The following DAP3 variants were observed in gnomAD, a reference collection of about 807,000 sequenced individuals.
The protein encoded by DAP3 is small ribosomal subunit protein mS29.
DAP3 carries 28 observed loss-of-function variants against 51.9 expected under a neutral mutation model. The observed-to-expected ratio is 0.54, with a 90% CI of 0.40 to 0.74. DAP3 has a LOEUF of 0.74. DAP3 is among the 30% of genes least tolerant of loss of function. The probability of loss-of-function intolerance (pLI) is 0.00; values close to 1 mark genes in which losing one functional copy is unlikely to be tolerated. For synonymous variants in DAP3, 170 were observed against 170.3 expected (o/e 1.00, Z 0.01); for missense variants, 458 against 483.5 (o/e 0.95, Z 0.49).
At chr1:155,699,157 G>A (rs939824636) in intron 1 of DAP3, among the ~76,000 whole-genome samples, 3 of 152,174 alleles carry the variant, frequency 2.0e-5, no homozygotes, top group Admixed American at 6.5e-5. Flanking sequence ...TAATCACTTA[G>A]ATCTAAGAAG....
intron 11 of DAP3, among the ~76,000 whole-genome samples, chr1:155,733,369 G>T (rs533168982): frequency 6.6e-6 from 1 of 152,192 alleles, no homozygotes; most frequent in Non-Finnish European, 1.5e-5. Flanking sequence ...ACTAGGTAAA[G>T]ATCCTGTTAC....
At chr1:155,719,089 A>G (rs1272007616) in intron 3 of DAP3, among the ~76,000 whole-genome samples, 1 of 152,184 alleles carries the variant, frequency 6.6e-6, no homozygotes, top group Non-Finnish European at 1.5e-5. Flanking sequence ...AGCAACCAGC[A>G]TTCTTGGCTA....
At chr1:155,688,329 AGCG>A, upstream of DAP3, 1 of 1,549,154 alleles carries the variant, frequency 6.5e-7, no homozygotes, top group Non-Finnish European at 8.7e-7. Context: ...TGGCGGCGGC[AGCG>A]GCGGCAGCAG....
chr1:155,738,096 T>C (rs907173623), intron 12 of DAP3, 61 bp from the exon 13 acceptor site: 2 of 1,541,558 alleles, frequency 1.3e-6, no homozygotes, highest in African/African-American at 2.7e-5. Flanking sequence ...TACACGATAT[T>C]CTGGGGAACA....
At chr1:155,695,669 A>G (rs1000352114) in intron 1 of DAP3, among the ~76,000 whole-genome samples, 1 of 152,242 alleles carries the variant, frequency 6.6e-6, no homozygotes, top group African/African-American at 2.4e-5. Context: ...GGCAGTTTCA[A>G]TATGCTGAGT....
intron 11 of DAP3, among the ~76,000 whole-genome samples, chr1:155,735,891 G>T (rs1352219464): frequency 1.4e-5 from 2 of 147,482 alleles, no homozygotes; most frequent in Non-Finnish European, 3.0e-5. Flanking sequence ...CACCAGGCTG[G>T]AGTGCAGTGG....
Position 155,714,213 on chromosome 1 carries a change from C to T in DAP3, c.46-2793C>T, listed in dbSNP as rs779080923. 2.6e-5 allele frequency among the ~76,000 whole-genome samples: 4 copies of T among 152,266 alleles called. 1 individual carries two copies. In the South Asian group the frequency reaches 8.3e-4, roughly 32 times the overall value. On this transcript the variant is annotated intron_variant, in intron 2 of 12. Coordinates refer to ENST00000368336, the MANE Select transcript of DAP3 (RefSeq NM_004632.4). ...AGGAATTTGAGACTTATTTTGACATCGTTCTGGAACCTTCTAAGCTTTTTA... is the reference window on the plus strand; with the variant it reads ...AGGAATTTGAGACTTATTTTGACATTGTTCTGGAACCTTCTAAGCTTTTTA...
At chr1:155,728,544 A>G (rs1658849422) in intron 7 of DAP3, among the ~76,000 whole-genome samples, 1 of 152,100 alleles carries the variant, frequency 6.6e-6, no homozygotes, top group Non-Finnish European at 1.5e-5. Context: ...CCTGGGTAAC[A>G]GAGCGAGATA....
chr1:155,733,726 A>T (rs1220309712), intron 11 of DAP3, among the ~76,000 whole-genome samples: 1 of 151,914 alleles, frequency 6.6e-6, no homozygotes, highest in Non-Finnish European at 1.5e-5. Flanking sequence ...AGTCCCAGTT[A>T]CTCTGGAGGC....
upstream of DAP3, chr1:155,688,753 G>A: frequency 6.7e-7 from 1 of 1,497,208 alleles, no homozygotes; most frequent in Non-Finnish European, 8.9e-7. Flanking sequence ...CAAAGCAGCC[G>A]CCGCCAGCAC....
chr1:155,688,149 G>C, upstream of DAP3: 2 of 1,613,818 alleles, frequency 1.2e-6, no homozygotes, highest in Non-Finnish European at 1.7e-6. Context: ...CGCTTCCCTG[G>C]GTCCACCGCG....
chr1:155,731,752 A>G (rs1659260935), intron 10 of DAP3, among the ~76,000 whole-genome samples, 192 bp from the exon 11 acceptor site: 1 of 152,118 alleles, frequency 6.6e-6, no homozygotes, highest in African/African-American at 2.4e-5. Flanking sequence ...GTCATGGTAA[A>G]TTTAAAATCA....
chr1:155,721,283 G>A (rs551474263), intron 3 of DAP3, among the ~76,000 whole-genome samples: 139 of 151,902 alleles, frequency 9.2e-4, no homozygotes, highest in African/African-American at 3.2e-3. Flanking sequence ...AGTGAGCTAA[G>A]ATCGCACCAT....
chr1:155,697,995 A>T (rs1035409274), intron 1 of DAP3, among the ~76,000 whole-genome samples: 1 of 152,208 alleles, frequency 6.6e-6, no homozygotes, highest in Non-Finnish European at 1.5e-5. Context: ...TCGCTTTCTG[A>T]AAGAAGAGAA....
At chr1:155,692,410 A>G (rs533084727) in intron 1 of DAP3, among the ~76,000 whole-genome samples, 1 of 141,552 alleles carries the variant, frequency 7.1e-6, no homozygotes, top group South Asian at 2.1e-4. Flanking sequence ...TGCCATTGCT[A>G]TTAAGACTTG....
intron 3 of DAP3, among the ~76,000 whole-genome samples, chr1:155,719,959 A>G (rs1286826036): frequency 6.6e-6 from 1 of 152,120 alleles, no homozygotes; most frequent in Non-Finnish European, 1.5e-5. Context: ...TAGTCAGCTG[A>G]GATCAGGCCA....
chr1:155,718,281 G>A (rs935841288), intron 3 of DAP3, among the ~76,000 whole-genome samples: 1 of 152,188 alleles, frequency 6.6e-6, no homozygotes, highest in Non-Finnish European at 1.5e-5. Flanking sequence ...AGCTACTCAG[G>A]AGGCTGAGGC....
intron 1 of DAP3, among the ~76,000 whole-genome samples, chr1:155,704,992 C>T (rs1041406046): frequency 6.6e-6 from 1 of 151,846 alleles, no homozygotes; most frequent in Non-Finnish European, 1.5e-5. Context: ...AATAAACAAA[C>T]GAATCCAGTA....
intron 1 of DAP3, among the ~76,000 whole-genome samples, chr1:155,705,458 A>G (rs1655836170): frequency 6.6e-6 from 1 of 150,814 alleles, no homozygotes; most frequent in African/African-American, 2.4e-5. Context: ...TTTTTTTTTT[A>G]ATATGCCAGG....
Sources: gnomAD v4.1 joint callset for allele counts (sites outside exome capture counted in the v4.1 genomes callset) on GRCh38, gnomAD v4.1.1 for gene constraint, MANE v1.5 for transcripts, NCBI Gene and HGNC (gene_info 2026-07-23, HGNC 2026-07-21) for gene names.